SATL1: variants seen among roughly 807,000 people sequenced by gnomAD.
SATL1 encodes the protein spermidine/spermine N(1)-acetyltransferase-like protein 1.
A neutral mutation model predicts 51.8 loss-of-function variants in SATL1; 47 were observed. That is an observed-to-expected ratio of 0.91 (90% CI 0.72 to 1.16). The LOEUF (loss-of-function observed/expected upper bound fraction) is 1.16, where lower values mean the gene tolerates loss of function less well. SATL1 is among the 50% of genes most tolerant of loss of function. The pLI is 0.00. For missense variants in SATL1, 520 were observed against 526.4 expected (o/e 0.99, Z 0.12); for synonymous variants, 176 against 182.4 (o/e 0.97, Z 0.28).
Position 85,127,373 on chromosome X carries a change from A to G in SATL1, c.-312-18093T>C, listed in dbSNP as rs188131722. 3.0e-3 allele frequency among the ~76,000 whole-genome samples: 331 copies of G among 111,674 alleles called. 3 individuals are homozygous for G. Among genetic ancestry groups the G allele is most frequent in the African/African-American group, 9.8e-3 (302 of 30,775 alleles). On this transcript the variant is annotated intron_variant, in intron 2 of 7. Transcript: ENST00000644105. ...AAACTCTAAAGCACTATATAAATGTAGGTTGTATTATTATTCATAGTATCA... is the reference window on the plus strand; with the variant it reads ...AAACTCTAAAGCACTATATAAATGTGGGTTGTATTATTATTCATAGTATCA...
chrX:85,201,945 G>T (rs1300597316), intron 2 of SATL1, among the ~76,000 whole-genome samples: 1 of 111,922 alleles, frequency 8.9e-6, no homozygotes, highest in Admixed American at 9.5e-5. Context: ...GTGTCTTTAT[G>T]GTAGAATGCT....
At chrX:85,162,556 C>T (rs772358115) in intron 2 of SATL1, among the ~76,000 whole-genome samples, 7 of 111,205 alleles carry the variant, frequency 6.3e-5, no homozygotes, top group African/African-American at 2.3e-4. Flanking sequence ...ATTTCTCTGG[C>T]TAGGACTTTC....
At chrX:85,203,973 T>G (rs906672229) in intron 2 of SATL1, among the ~76,000 whole-genome samples, 3 of 112,096 alleles carry the variant, frequency 2.7e-5, no homozygotes, top group African/African-American at 9.7e-5. Context: ...CTGCAGCTAC[T>G]TTTGCTGGAA....
At chrX:85,139,465 T>TAGTAAATG (rs1926054534) in intron 2 of SATL1, among the ~76,000 whole-genome samples, 1 of 111,303 alleles carries the variant, frequency 9.0e-6, no homozygotes, top group East Asian at 2.8e-4. Flanking sequence ...AATATACAGC[T>TAGTAAATG]AGTAAATGGG....
At chrX:85,178,139 T>C (rs1927119966) in intron 2 of SATL1, among the ~76,000 whole-genome samples, 1 of 111,675 alleles carries the variant, frequency 9.0e-6, no homozygotes, top group African/African-American at 3.2e-5. Flanking sequence ...GTATGTCATA[T>C]GTCAAGGTTA....
chrX:85,164,099 A>G (rs922910063), intron 2 of SATL1, among the ~76,000 whole-genome samples: 1 of 111,924 alleles, frequency 8.9e-6, no homozygotes, highest in African/African-American at 3.2e-5. Context: ...GTACATGTGC[A>G]TGGAATATTT....
rs770310742 is a variant in SATL1 at position 85,242,891 on chromosome X, T to G, written c.-435+697A>C. Among the ~76,000 whole-genome samples, 3 of 112,203 alleles carry G rather than the reference T, an allele frequency of 2.7e-5. No individual in the cohort carries two copies. The East Asian group carries it at 8.4e-4, about 31-fold the overall frequency. On this transcript the variant is annotated intron_variant, in intron 1 of 7. Coordinates refer to ENST00000644105, the MANE Select transcript of SATL1 (RefSeq NM_001367857.2). ...GTCTATGGCCACTTTGGGGCTACAA[T>G]GGCAGAGCAGAGTAGTTGTGACAGA...
intron 2 of SATL1, among the ~76,000 whole-genome samples, chrX:85,194,236 C>A (rs1250470822): frequency 9.0e-6 from 1 of 111,725 alleles, no homozygotes; most frequent in East Asian, 2.8e-4. Context: ...AAGACAGTGG[C>A]AGGTGGTAGG....
chrX:85,213,833 T>C (rs1927980169), intron 2 of SATL1, among the ~76,000 whole-genome samples: 2 of 111,530 alleles, frequency 1.8e-5, no homozygotes, highest in South Asian at 7.5e-4. Context: ...ATGAGACATG[T>C]AAAATCATTA....
chrX:85,131,171 T>A (rs1191944501), intron 2 of SATL1, among the ~76,000 whole-genome samples: 1 of 111,821 alleles, frequency 8.9e-6, no homozygotes, highest in Admixed American at 9.5e-5. Context: ...GTCTGCTTGG[T>A]GCAGAGCTGA....
At chrX:85,134,029 T>C (rs1925884307) in intron 2 of SATL1, among the ~76,000 whole-genome samples, 1 of 111,744 alleles carries the variant, frequency 8.9e-6, no homozygotes, top group African/African-American at 3.3e-5. Context: ...AATAAGTGAA[T>C]TTTGCACCAG....
intron 2 of SATL1, among the ~76,000 whole-genome samples, chrX:85,181,447 A>T (rs908930891): frequency 1.9e-4 from 21 of 109,855 alleles, no homozygotes; most frequent in Non-Finnish European, 3.2e-4. Flanking sequence ...GGAACTGGGG[A>T]TTCAGTATGG....
At chrX:85,152,299 T>G (rs1194473198) in intron 2 of SATL1, among the ~76,000 whole-genome samples, 3 of 110,922 alleles carry the variant, frequency 2.7e-5, no homozygotes, top group Non-Finnish European at 3.8e-5. Flanking sequence ...ATGGCAATCA[T>G]TAAAAAGTCA....
intron 1 of SATL1, among the ~76,000 whole-genome samples, chrX:85,238,491 T>A (rs1569252715): frequency 9.0e-6 from 1 of 111,547 alleles, no homozygotes; most frequent in Non-Finnish European, 1.9e-5. Context: ...CTCACTTATT[T>A]GTTGGAGCTA....
At chrX:85,200,072 T>C (rs1452612510) in intron 2 of SATL1, among the ~76,000 whole-genome samples, 1 of 111,639 alleles carries the variant, frequency 9.0e-6, no homozygotes. Context: ...ACCCCATAAA[T>C]ATATACACCT....
In SATL1 at chrX:85,127,483, C is replaced by T. The variant is rs181961848; in HGVS notation, c.-312-18203G>A. Among the ~76,000 whole-genome samples, 20 of 111,284 alleles carry T rather than the reference C, an allele frequency of 1.8e-4. No individual in the cohort carries two copies. In the East Asian group the frequency reaches 4.5e-3, roughly 25 times the overall value. On this transcript the variant is annotated intron_variant, in intron 2 of 7. Transcript: ENST00000644105. ...GATCTGGATGAAGGCATTAACTTCC[C>T]TGTACCTCATTCTTTCCATTTGTAA... is the stretch of plus-strand genomic sequence containing the variant.
chrX:85,118,491 G>A (rs907107546), intron 2 of SATL1: 44 of 108,695 alleles, frequency 4.0e-4, no homozygotes, highest in African/African-American at 1.2e-3. Flanking sequence ...ACCTGGGATG[G>A]AAACTCAAGA....
chrX:85,093,100 A>C lies in SATL1; in HGVS notation c.1917+85T>G. ...ATGTTGGGGTTATGTTCAAATGGTG[A>C]GATTAATGATTTAATTTATGCCCTG... On this transcript the variant is annotated intron_variant, in intron 7 of 7. Coordinates refer to ENST00000644105, the MANE Select transcript of SATL1 (RefSeq NM_001367857.2). 8.7e-6 allele frequency: 8 copies of C among 921,772 alleles called. No individual in the cohort carries two copies. In the South Asian group the frequency reaches 1.9e-4, roughly 22 times the overall value. The allele number at this position is 921,772 out of a possible 1,213,427, so 76.0% of individuals were successfully genotyped here.
At chrX:85,178,597 C>T (rs1927130680) in intron 2 of SATL1, among the ~76,000 whole-genome samples, 1 of 97,545 alleles carries the variant, frequency 1.0e-5, no homozygotes, top group Non-Finnish European at 2.0e-5. Context: ...CCACTTCAGC[C>T]CACACAAAAT....
Sources: allele counts gnomAD v4.1 joint callset (sites outside exome capture counted in the v4.1 genomes callset), GRCh38; gene constraint gnomAD v4.1.1; transcripts MANE v1.5; gene names NCBI Gene and HGNC (gene_info 2026-07-23, HGNC 2026-07-21).